The following SYK variants were observed in gnomAD, a reference collection of about 807,000 sequenced individuals.
The protein encoded by SYK is spleen associated tyrosine kinase.
Under a neutral mutation model 77.8 loss-of-function variants are expected in SYK, and 16 were observed. The ratio of observed to expected loss-of-function variants is 0.21; its 90% CI spans 0.14 to 0.31. SYK has a LOEUF of 0.31. Among genes scored for constraint, SYK ranks in the 10% least tolerant of loss-of-function variants. The probability of loss-of-function intolerance (pLI) is 1.00; values close to 1 mark genes in which losing one functional copy is unlikely to be tolerated. For synonymous variants in SYK, 312 were observed against 308.7 expected (o/e 1.01, Z -0.11); for missense variants, 529 against 814.4 (o/e 0.65, Z 4.26).
rs80157212 is a variant in SYK, at chr9:90,826,522, C to T, written c.-41-17336C>T. Among the ~76,000 whole-genome samples, 628 of 152,348 alleles carry T rather than the reference C, an allele frequency of 4.1e-3. 7 individuals carry two copies. The East Asian group carries it at 0.042, about 10-fold the overall frequency. On this transcript the variant is annotated intron_variant, in intron 1 of 13. Transcript: ENST00000375754. ...TTTTCACAAGTTTGGGGTGCAGGTG[C>T]AGATTGCCTACTGTTGTGTTTCTGA...
chr9:90,871,387 G>A (rs1361786640), intron 7 of SYK, among the ~76,000 whole-genome samples: 3 of 152,234 alleles, frequency 2.0e-5, no homozygotes, highest in Admixed American at 6.5e-5. Flanking sequence ...AAGAATAAAA[G>A]GTTAATAGTA....
intron 1 of SYK, among the ~76,000 whole-genome samples, chr9:90,804,099 C>T (rs545981740): frequency 2.6e-5 from 4 of 152,012 alleles, no homozygotes; most frequent in Admixed American, 6.5e-5. Context: ...CACTGAACTA[C>T]GGTTTGCTTT....
intron 2 of SYK, 103 bp from the exon 3 acceptor site, chr9:90,845,331 C>G (rs1485225798): frequency 1.6e-6 from 2 of 1,264,110 alleles, no homozygotes; most frequent in Non-Finnish European, 1.1e-6. Flanking sequence ...AAGTTTTGAT[C>G]CTGTTTTACC....
intron 1 of SYK, among the ~76,000 whole-genome samples, chr9:90,842,230 G>A (rs56651327): frequency 0.27 from 40,112 of 149,076 alleles, 5,600 homozygotes; most frequent in South Asian, 0.35. Context: ...CATAGTGTGC[G>A]TGTAGTGCAT....
At chr9:90,818,334 A>G (rs1336234709) in intron 1 of SYK, among the ~76,000 whole-genome samples, 1 of 152,260 alleles carries the variant, frequency 6.6e-6, no homozygotes, top group African/African-American at 2.4e-5. Context: ...TAAGCAGGAA[A>G]CAACTTCAGA....
At chr9:90,889,701 C>G (rs978603603) in intron 13 of SYK, among the ~76,000 whole-genome samples, 4 of 152,236 alleles carry the variant, frequency 2.6e-5, no homozygotes, top group African/African-American at 9.6e-5. Context: ...AGGAGAGGAG[C>G]CTGGCCTGGG....
Position 90,844,120 on chromosome 9 carries a change from C to G in SYK, c.222C>G (p.Tyr74Ter). The change falls in exon 2 of 14, where the codon TAC (tyrosine) becomes TAG (stop). Residue 74 changes from tyrosine (Y) to a stop codon, truncating the protein, a stop_gained. Coordinates refer to ENST00000375754, the MANE Select transcript of SYK (RefSeq NM_003177.7). LOFTEE classifies it high-confidence loss of function. The stretch of plus-strand genomic sequence containing the variant: ...TCGAGCGGGAGCTGAATGGCACCTA[C>G]GCCATCGCCGGTGGCAGGACCCATG... ...YTIERELNGT[Y>*]AIAGGRTHAS... 6.2e-7 allele frequency: 1 copy of G among 1,613,634 alleles called. No individual in the cohort carries two copies.
intron 1 of SYK, among the ~76,000 whole-genome samples, chr9:90,808,821 C>T (rs1281412244): frequency 2.6e-5 from 4 of 152,162 alleles, no homozygotes; most frequent in African/African-American, 9.7e-5. Flanking sequence ...TTGCACCCCC[C>T]ACACTGCTGC....
intron 13 of SYK, among the ~76,000 whole-genome samples, chr9:90,889,437 C>A (rs1019902998): frequency 6.6e-6 from 1 of 152,156 alleles, no homozygotes; most frequent in African/African-American, 2.4e-5. Flanking sequence ...TGATGCTTTG[C>A]GGAATCAGGT....
Position 90,865,045 on chromosome 9 carries a change from C to T in SYK, c.797-3C>T, listed in dbSNP as rs765411194. On this transcript the variant is annotated splice_polypyrimidine_tract_variant and splice_region_variant and intron_variant, in intron 5 of 13. Transcript: ENST00000375754. ...AGTAATTGTCCATGCTCTCTCTAACCAGGAAATGTTAATTTTGGAGGCCGT... is the reference window on the plus strand; with the variant it reads ...AGTAATTGTCCATGCTCTCTCTAACTAGGAAATGTTAATTTTGGAGGCCGT... The T allele has an allele frequency of 1.2e-6, 2 of 1,614,086 alleles. No individual in the cohort carries two copies. Among genetic ancestry groups the T allele is most frequent in the South Asian group, 2.2e-5 (2 of 91,068 alleles).
intron 1 of SYK, among the ~76,000 whole-genome samples, chr9:90,830,371 CAT>C (rs1825835687): frequency 1.3e-5 from 2 of 152,232 alleles, no homozygotes; most frequent in Non-Finnish European, 2.9e-5. Flanking sequence ...TCTGTGTCCA[CAT>C]GTTTTCTTTT....
chr9:90,866,751 G>T (rs55976141), intron 6 of SYK, among the ~76,000 whole-genome samples: 1 of 152,040 alleles, frequency 6.6e-6, no homozygotes, highest in Non-Finnish European at 1.5e-5. Context: ...ATTTTCCACC[G>T]TGGAACCAGC....
chr9:90,884,255 A>G (rs552616018), intron 11 of SYK, among the ~76,000 whole-genome samples: 4 of 147,984 alleles, frequency 2.7e-5, no homozygotes, highest in Non-Finnish European at 1.5e-5. Context: ...ATACACATAC[A>G]CATACACATA....
intron 9 of SYK, 137 bp downstream of exon 9, chr9:90,874,986 A>G (rs1365967698): frequency 5.4e-6 from 6 of 1,105,218 alleles, no homozygotes; most frequent in African/African-American, 1.6e-5. Context: ...TTCTGGTACT[A>G]TTATAATGAA....
chr9:90,848,991 A>C (rs1234607287), intron 3 of SYK, among the ~76,000 whole-genome samples: 3 of 152,198 alleles, frequency 2.0e-5, no homozygotes, highest in African/African-American at 4.8e-5. Flanking sequence ...CTGTGGCAGG[A>C]GCGTGCCTGG....
At chr9:90,868,730 C>T (rs1827614066) in intron 7 of SYK, among the ~76,000 whole-genome samples, 1 of 152,154 alleles carries the variant, frequency 6.6e-6, no homozygotes, top group African/African-American at 2.4e-5. Context: ...GGTAGATAAG[C>T]ACTTTCACTC....
intron 3 of SYK, among the ~76,000 whole-genome samples, chr9:90,848,058 G>A (rs367779399): frequency 2.0e-5 from 3 of 152,126 alleles, no homozygotes; most frequent in Admixed American, 6.5e-5. Context: ...TGTAGTGGGC[G>A]TGTTATACTG....
intron 3 of SYK, among the ~76,000 whole-genome samples, chr9:90,856,292 T>C (rs1283867818): frequency 6.6e-6 from 1 of 152,258 alleles, no homozygotes; most frequent in Non-Finnish European, 1.5e-5. Context: ...CCTACATCCA[T>C]GAATTCTTTT....
intron 1 of SYK, among the ~76,000 whole-genome samples, chr9:90,842,154 GTTGT>G (rs1263738374): frequency 6.6e-6 from 1 of 151,080 alleles, no homozygotes; most frequent in African/African-American, 2.4e-5. Context: ...TGCAGTGTGT[GTTGT>G]TTGTAGTGTG....
Sources: allele counts gnomAD v4.1 joint callset (sites outside exome capture counted in the v4.1 genomes callset), GRCh38; gene constraint gnomAD v4.1.1; transcripts MANE v1.5; gene names NCBI Gene and HGNC (gene_info 2026-07-23, HGNC 2026-07-21).